The following STK32B variants were observed in gnomAD, a reference collection of about 807,000 sequenced individuals.
The protein encoded by STK32B is serine/threonine kinase 32B.
Under a neutral mutation model 52.6 loss-of-function variants are expected in STK32B, and 43 were observed. That is an observed-to-expected ratio of 0.82 (90% CI 0.64 to 1.05). The LOEUF (loss-of-function observed/expected upper bound fraction) is 1.05, where lower values mean the gene tolerates loss of function less well. STK32B is among the 50% of genes least tolerant of loss of function. The pLI is 0.00. For synonymous variants in STK32B, 238 were observed against 204.3 expected (o/e 1.17, Z -1.41); for missense variants, 621 against 534.6 (o/e 1.16, Z -1.59).
At chr4:5,184,167 A>C (rs1362380131) in intron 3 of STK32B, among the ~76,000 whole-genome samples, 1 of 152,074 alleles carries the variant, frequency 6.6e-6, no homozygotes, top group African/African-American at 2.4e-5. Context: ...AAGCTTAATT[A>C]TTTCTGGCTT....
chr4:5,351,489 T>A (rs1027375162), intron 4 of STK32B, among the ~76,000 whole-genome samples: 28 of 151,950 alleles, frequency 1.8e-4, no homozygotes, highest in African/African-American at 6.5e-4. Context: ...TTTATAACAA[T>A]AAATGTCTGC....
intron 1 of STK32B, among the ~76,000 whole-genome samples, chr4:5,057,058 GT>G (rs1328221997): frequency 6.6e-6 from 1 of 152,188 alleles, no homozygotes; most frequent in Admixed American, 6.5e-5. Flanking sequence ...GCACTTAGTT[GT>G]TTTCCACCTT....
intron 2 of STK32B, among the ~76,000 whole-genome samples, chr4:5,160,519 G>A (rs1467392615): frequency 6.6e-6 from 1 of 151,998 alleles, no homozygotes; most frequent in Non-Finnish European, 1.5e-5. Context: ...ACTGTGCTAA[G>A]GTTCAGGTGC....
chr4:5,206,396 G>A (rs1487670700), intron 3 of STK32B, among the ~76,000 whole-genome samples: 1 of 152,118 alleles, frequency 6.6e-6, no homozygotes, highest in Non-Finnish European at 1.5e-5. Context: ...CCACTGCTCT[G>A]GAGAGCCTCC....
rs550741284 is a variant in STK32B, at chr4:5,244,236, A to C, written c.260+75786A>C. ...GACTTTTTTTGGTTGGTAAGCTATT[A>C]TTGCCACAATTTCAGAGCCTGTTTA... On this transcript the variant is annotated intron_variant, in intron 3 of 11. Transcript: ENST00000282908. 5.9e-5 allele frequency among the ~76,000 whole-genome samples: 9 copies of C among 152,090 alleles called. No individual in the cohort carries two copies. In the South Asian group the frequency reaches 1.2e-3, roughly 21 times the overall value.
intron 2 of STK32B, among the ~76,000 whole-genome samples, chr4:5,164,659 T>G (rs1016421268): frequency 3.9e-5 from 6 of 152,160 alleles, no homozygotes; most frequent in Non-Finnish European, 2.9e-5. Context: ...TTACACTGTA[T>G]TATCACAGGG....
At chr4:5,305,513 A>G (rs893336101) in intron 3 of STK32B, among the ~76,000 whole-genome samples, 9 of 152,016 alleles carry the variant, frequency 5.9e-5, no homozygotes, top group Non-Finnish European at 8.8e-5. Context: ...GTATCCTTGA[A>G]TGATCTTTTG....
intron 3 of STK32B, among the ~76,000 whole-genome samples, chr4:5,178,072 C>G (rs992426622): frequency 1.4e-4 from 21 of 152,226 alleles, no homozygotes; most frequent in African/African-American, 4.6e-4. Context: ...GGGGGCTCTG[C>G]TCCCACATTT....
chr4:5,061,265 A>C (rs551956939), intron 1 of STK32B, among the ~76,000 whole-genome samples: 3 of 152,036 alleles, frequency 2.0e-5, no homozygotes, highest in Admixed American at 2.0e-4. Flanking sequence ...TCTGTCTGCT[A>C]TTAAGTACAG....
chr4:5,290,179 A>G (rs1295739187), intron 3 of STK32B, among the ~76,000 whole-genome samples: 1 of 152,160 alleles, frequency 6.6e-6, no homozygotes, highest in Non-Finnish European at 1.5e-5. Context: ...CCCATCTTCC[A>G]AGGCTCACCT....
At chr4:5,242,424 G>A (rs989878923) in intron 3 of STK32B, among the ~76,000 whole-genome samples, 1 of 152,118 alleles carries the variant, frequency 6.6e-6, no homozygotes, top group African/African-American at 2.4e-5. Flanking sequence ...TGATGGGGTT[G>A]TTTGTTTTTT....
intron 3 of STK32B, among the ~76,000 whole-genome samples, chr4:5,261,552 A>G (rs958393172): frequency 6.6e-6 from 1 of 152,194 alleles, no homozygotes; most frequent in African/African-American, 2.4e-5. Context: ...GTAGTTCTGC[A>G]GAGTTTGCAT....
At position 5,415,393 on chromosome 4, in the gene STK32B, C is replaced by A. The variant is rs117431716; in HGVS notation, c.473-1452C>A. ...CAGCTACTCCCAACAAAGCTGAGGCCCAAACCAAGGCAGTCTGGCTCAGAG... is the reference window on the plus strand; with the variant it reads ...CAGCTACTCCCAACAAAGCTGAGGCACAAACCAAGGCAGTCTGGCTCAGAG... On this transcript the variant is annotated intron_variant, in intron 5 of 11. Coordinates refer to ENST00000282908, the MANE Select transcript of STK32B (RefSeq NM_018401.3). 3.8e-3 allele frequency among the ~76,000 whole-genome samples: 579 copies of A among 152,204 alleles called. 7 individuals are homozygous for A. Among genetic ancestry groups the A allele is most frequent in the East Asian group, 0.02 (101 of 5,166 alleles).
chr4:5,450,727 A>G (rs1422276805), intron 7 of STK32B, among the ~76,000 whole-genome samples: 3 of 152,220 alleles, frequency 2.0e-5, no homozygotes, highest in African/African-American at 7.2e-5. Flanking sequence ...TGAGAATTAA[A>G]TGATTCTGAT....
chr4:5,163,978 C>T (rs1298602261), intron 2 of STK32B, among the ~76,000 whole-genome samples: 3 of 152,152 alleles, frequency 2.0e-5, no homozygotes, highest in Non-Finnish European at 4.4e-5. Context: ...CACTCTGTCC[C>T]ATGGAGACCC....
At chr4:5,085,368 A>G (rs1362521382) in intron 1 of STK32B, among the ~76,000 whole-genome samples, 21 of 152,232 alleles carry the variant, frequency 1.4e-4, no homozygotes, top group Admixed American at 1.4e-3. Context: ...AGGATTGACA[A>G]TATAGCATAT....
rs755823564 is a variant in STK32B, at chr4:5,293,154, G to T, written c.261-38066G>T. On this transcript the variant is annotated intron_variant, in intron 3 of 11. Coordinates refer to ENST00000282908, the MANE Select transcript of STK32B (RefSeq NM_018401.3). ...TTTTATGGCTGAATAGTATTCCATGGTGTATAAGTACCACATTTTCTTTAT... is the reference window on the plus strand; with the variant it reads ...TTTTATGGCTGAATAGTATTCCATGTTGTATAAGTACCACATTTTCTTTAT... Among the ~76,000 whole-genome samples, 97 of 152,200 alleles carry T rather than the reference G, an allele frequency of 6.4e-4. 1 individual carries two copies. The highest frequency in any genetic ancestry group is 3.5e-4 in the Non-Finnish European group (24 of 67,990).
intron 3 of STK32B, among the ~76,000 whole-genome samples, chr4:5,227,643 A>G (rs1723966671): frequency 6.6e-6 from 1 of 152,226 alleles, no homozygotes; most frequent in Admixed American, 6.5e-5. Context: ...TGTGAAGTAA[A>G]AATGAGGTAG....
At chr4:5,141,494 C>G (rs1022163658) in intron 2 of STK32B, among the ~76,000 whole-genome samples, 1 of 152,106 alleles carries the variant, frequency 6.6e-6, no homozygotes, top group Admixed American at 6.5e-5. Flanking sequence ...AAGGCTTTGG[C>G]CATTTCACAG....
Sources: allele counts gnomAD v4.1 joint callset (sites outside exome capture counted in the v4.1 genomes callset), GRCh38; gene constraint gnomAD v4.1.1; transcripts MANE v1.5; gene names NCBI Gene and HGNC (gene_info 2026-07-23, HGNC 2026-07-21).